MPDZ: variants seen among roughly 807,000 people sequenced by gnomAD.
MPDZ encodes the protein multiple PDZ domain protein.
In MPDZ, 234 loss-of-function variants were observed where a neutral mutation model predicts 239.1. The ratio of observed to expected loss-of-function variants is 0.98; its 90% CI spans 0.88 to 1.09. The LOEUF (loss-of-function observed/expected upper bound fraction) is 1.09, where lower values mean the gene tolerates loss of function less well. Among genes scored for constraint, MPDZ ranks in the 50% least tolerant of loss-of-function variants. The pLI is 0.00. For missense variants in MPDZ, 3,175 were observed against 2,510.0 expected (o/e 1.26, Z -5.66); for synonymous variants, 1,048 against 881.3 (o/e 1.19, Z -3.35).
At chr9:13,221,232 A>C (rs555692645) in intron 7 of MPDZ, 140 bp downstream of exon 7, 3 of 842,566 alleles carry the variant, frequency 3.6e-6, no homozygotes, top group Non-Finnish European at 5.1e-6. Context: ...TTTTAGGGAC[A>C]CTCAATAAAA....
rs542765961 is a variant in MPDZ, at chr9:13,133,226, A to T, written c.4464+598T>A. 3.3e-5 allele frequency among the ~76,000 whole-genome samples: 5 copies of T among 152,284 alleles called. No individual in the cohort carries two copies. In the South Asian group the frequency reaches 1.0e-3, roughly 32 times the overall value. ...GAAAGAGGAAGATGTCATCTCTCTT[A>T]AATGGCAATAGAATGAGGGATTCTC... On this transcript the variant is annotated intron_variant, in intron 32 of 46. Transcript: ENST00000319217.
At chr9:13,160,869 T>TATATATATAAAA (rs1554669676) in intron 23 of MPDZ, among the ~76,000 whole-genome samples, 1 of 127,808 alleles carries the variant, frequency 7.8e-6, no homozygotes, top group South Asian at 2.6e-4. Flanking sequence ...TATATATATA[T>TATATATATAAAA]AAAACAGGTA....
At chr9:13,259,826 G>C (rs34101279) in intron 1 of MPDZ, among the ~76,000 whole-genome samples, 21,638 of 151,874 alleles carry the variant, frequency 0.14, 1,758 homozygotes, top group Non-Finnish European at 0.17. Flanking sequence ...CTCTTAAAAA[G>C]TTTAGATTTG....
chr9:13,247,371 C>T (rs916365317), intron 3 of MPDZ, among the ~76,000 whole-genome samples: 8 of 152,058 alleles, frequency 5.3e-5, no homozygotes, highest in African/African-American at 9.7e-5. Flanking sequence ...TTTTATCATC[C>T]GTTTTTCCTG....
rs756133259 is a variant in MPDZ, at chr9:13,188,862, G to A, written c.2286C>T (p.Ser762=). 1.9e-6 allele frequency: 3 copies of A among 1,613,570 alleles called. No homozygotes were observed. The highest frequency in any genetic ancestry group is 1.1e-5 in the South Asian group (1 of 91,070). ...MFVNDVNLEN[S]SLEEAVEALK... The stretch of plus-strand genomic sequence containing the variant: ...GTGCTTCTACAGCTTCCTCAAGACT[G>A]CTGTTTTCCAAGTTAACATCGTTTA... The change falls in exon 17 of 47, where the codon AGC becomes AGT. Residue 762 remains serine (S), a synonymous_variant. Transcript: ENST00000319217.
chr9:13,272,142 CTT>C (rs1027431571), intron 1 of MPDZ, among the ~76,000 whole-genome samples: 1 of 152,112 alleles, frequency 6.6e-6, no homozygotes, highest in African/African-American at 2.4e-5. Flanking sequence ...TCAATTATGA[CTT>C]ATACCACAAT....
chr9:13,217,910 TAG>T (rs1958567993), intron 8 of MPDZ, among the ~76,000 whole-genome samples: 1 of 151,836 alleles, frequency 6.6e-6, no homozygotes, highest in African/African-American at 2.4e-5. Context: ...CTCTAATGTG[TAG>T]AGTTGTTACA....
intron 3 of MPDZ, among the ~76,000 whole-genome samples, chr9:13,241,625 TCTG>T (rs1306602008): frequency 6.6e-6 from 1 of 152,228 alleles, no homozygotes; most frequent in Non-Finnish European, 1.5e-5. Context: ...CACAGGCACT[TCTG>T]CTCTTTAAGA....
intron 1 of MPDZ, among the ~76,000 whole-genome samples, chr9:13,262,980 T>A (rs1471976844): frequency 6.6e-6 from 1 of 151,864 alleles, no homozygotes; most frequent in Non-Finnish European, 1.5e-5. Context: ...ATGGAAGGAG[T>A]AGCCGCATAC....
At chr9:13,142,888 G>A (rs1245626328) in intron 27 of MPDZ, among the ~76,000 whole-genome samples, 2 of 151,916 alleles carry the variant, frequency 1.3e-5, no homozygotes, top group Non-Finnish European at 2.9e-5. Context: ...ATAAATTTGT[G>A]TTTCGATTTT....
intron 32 of MPDZ, among the ~76,000 whole-genome samples, chr9:13,133,181 AAG>A (rs796352610): frequency 4.0e-4 from 61 of 152,324 alleles, no homozygotes; most frequent in African/African-American, 1.4e-3. Flanking sequence ...AAAAGAAACT[AAG>A]AGCAGAAATC....
chr9:13,231,267 C>G (rs942026415), intron 3 of MPDZ, among the ~76,000 whole-genome samples: 1 of 151,928 alleles, frequency 6.6e-6, no homozygotes, highest in African/African-American at 2.4e-5. Flanking sequence ...ACACATTTAT[C>G]AAAATATCAA....
intron 24 of MPDZ, among the ~76,000 whole-genome samples, chr9:13,151,659 G>A (rs1241475101): frequency 6.6e-6 from 1 of 152,000 alleles, no homozygotes; most frequent in Non-Finnish European, 1.5e-5. Context: ...GGGAGTTATT[G>A]CTTAATGGGT....
At chr9:13,198,737 C>CTCTCTGTGTGTGTGTATGTGTGTG (rs755487892) in intron 12 of MPDZ, among the ~76,000 whole-genome samples, 1 of 69,754 alleles carries the variant, frequency 1.4e-5, no homozygotes, top group Non-Finnish European at 2.9e-5. Flanking sequence ...ATCTCTCTCT[C>CTCTCTGTGTGTGTGTATGTGTGTG]TGTGTGTGTG....
At chr9:13,252,854 A>C (rs1192541380) in intron 1 of MPDZ, among the ~76,000 whole-genome samples, 1 of 152,198 alleles carries the variant, frequency 6.6e-6, no homozygotes, top group Non-Finnish European at 1.5e-5. Flanking sequence ...AATAAAAAAA[A>C]GCATGGACTA....
intron 27 of MPDZ, 95 bp from the exon 28 acceptor site, chr9:13,140,244 G>A (rs1947448487): frequency 8.2e-7 from 1 of 1,221,580 alleles, no homozygotes; most frequent in Non-Finnish European, 1.1e-6. Context: ...AACAAAGACT[G>A]GCTTTAAAAT....
chr9:13,279,590 G>A lies in MPDZ; in HGVS notation c.-248C>T, dbSNP rs1244247024. On this transcript the variant is annotated 5_prime_UTR_variant, in exon 1 of 47. Transcript: ENST00000319217. ...CGTGACTGAGAAACTTAATCCCGCG[G>A]TGGCCCGACGCCAGCCTAGCGCTCC... 1 of 149,588 alleles carries A rather than the reference G, an allele frequency of 6.7e-6. No homozygotes were observed. Among genetic ancestry groups the A allele is most frequent in the East Asian group, 2.0e-4 (1 of 5,066 alleles). 9.3% of individuals were successfully genotyped at this position (149,588 alleles called of 1,614,324 possible).
rs1943221863 is a variant in MPDZ at position 13,115,308 on chromosome 9, T to G, written c.5406A>C (p.Glu1802Asp). 1.2e-6 allele frequency: 2 copies of G among 1,612,622 alleles called. No individual in the cohort carries two copies. The highest frequency in any genetic ancestry group is 2.7e-5 in the African/African-American group (2 of 74,896). The change falls in exon 40 of 47, where the codon GAA becomes GAC. Residue 1802 changes from glutamate to aspartate, a missense_variant. Transcript: ENST00000319217. ...ATGGACCAGCTTTGATTCTTCCAACTTCCAAGGTTACTGTGCCTAGGGAAC... is the reference window on the plus strand; with the variant it reads ...ATGGACCAGCTTTGATTCTTCCAACGTCCAAGGTTACTGTGCCTAGGGAAC... ...LKCSLGTVTLEVGRIKAGPFH... is the reference protein window; with the variant it reads ...LKCSLGTVTLDVGRIKAGPFH...
Position 13,148,219 on chromosome 9 carries a change from GTTTA to G in MPDZ, c.3631-565_3631-562del, listed in dbSNP as rs549286184. Among the ~76,000 whole-genome samples, 16 of 152,128 alleles carry G rather than the reference GTTTA, an allele frequency of 1.1e-4. No homozygotes were observed. The East Asian group carries it at 3.1e-3, about 29-fold the overall frequency. On this transcript the variant is annotated intron_variant, in intron 25 of 46. Transcript: ENST00000319217. ...CAGGAGCTGGAAGCTAAGAAATTGT[GTTTA>G]TTTGTTAGTAATTCTTATATAGTTT...
Sources: allele counts gnomAD v4.1 joint callset (sites outside exome capture counted in the v4.1 genomes callset), GRCh38; gene constraint gnomAD v4.1.1; transcripts MANE v1.5; gene names NCBI Gene and HGNC (gene_info 2026-07-23, HGNC 2026-07-21).